The following THSD7B variants were observed in gnomAD, a reference collection of about 807,000 sequenced individuals.
THSD7B encodes thrombospondin type 1 domain containing 7B.
Under a neutral mutation model 213.6 loss-of-function variants are expected in THSD7B, and 138 were observed. That is an observed-to-expected ratio of 0.65 (90% confidence interval 0.56 to 0.74). The LOEUF (loss-of-function observed/expected upper bound fraction) is 0.74, where lower values mean the gene tolerates loss of function less well. Ranked by LOEUF, THSD7B falls within the 30% of genes least tolerant of loss-of-function variation. THSD7B has a pLI of 0.00. For missense variants in THSD7B, 1,931 were observed against 1,991.5 expected, an observed-to-expected ratio of 0.97 and a Z score of 0.58; for synonymous variants, 742 against 687.0, an observed-to-expected ratio of 1.08 and a Z score of -1.25.
Position 137,655,631 on chromosome 2 carries a change from T to C in THSD7B, c.4076T>C (p.Leu1359Pro), listed in dbSNP as rs1417488838. Residue 1359 changes from leucine (L) to proline (P), a missense_variant, in exon 22 of 28, where the codon CTG becomes CCG. Coordinates refer to ENST00000409968, the MANE Select transcript of THSD7B (RefSeq NM_001316349.2). Reference sequence around the variant, plus strand: ...GAAATGCCCTTTCAGGACAGCATCCTGAAGCAGCTGTGTTCTGTGCCTTGC... The same window carrying C: ...GAAATGCCCTTTCAGGACAGCATCCCGAAGCAGCTGTGTTCTGTGCCTTGC... ...CGEMPFQDSI[L>P]KQLCSVPCPG... The C allele has an allele frequency of 1.9e-6, 3 of 1,613,160 alleles. No individual in the cohort carries two copies. The highest frequency in any genetic ancestry group is 2.7e-5 in the African/African-American group (2 of 74,908).
chr2:136,831,424 G>A (rs184613646), intron 1 of THSD7B, among the ~76,000 whole-genome samples: 3 of 152,330 alleles, frequency 2.0e-5, no homozygotes, highest in Non-Finnish European at 2.9e-5. Flanking sequence ...CTGTTGAATA[G>A]CAGAGCTTGA....
Position 137,388,192 on chromosome 2 carries a change from G to A in THSD7B, c.2501-17421G>A, listed in dbSNP as rs558369886. Among the ~76,000 whole-genome samples the A allele has an allele frequency of 5.5e-4, 83 of 151,910 alleles. 1 individual carries two copies. The highest frequency in any genetic ancestry group is 6.8e-3 in the Middle Eastern group (2 of 294). ...ATTTTCAATAGGCTTTTTCATAATA[G>A]TACATACTTCCCAGGGCTCATGTAC... On this transcript the variant is annotated intron_variant, in intron 12 of 27. Coordinates refer to ENST00000409968, the MANE Select transcript of THSD7B (RefSeq NM_001316349.2).
chr2:136,837,100 G>A (rs1171067906), intron 1 of THSD7B, among the ~76,000 whole-genome samples: 1 of 152,118 alleles, frequency 6.6e-6, no homozygotes, highest in Non-Finnish European at 1.5e-5. Flanking sequence ...AGATCTCTCT[G>A]TGTCCACTCT....
At chr2:137,671,246 TTA>T (rs1491111042) in intron 27 of THSD7B, among the ~76,000 whole-genome samples, 44 of 62,644 alleles carry the variant, frequency 7.0e-4, no homozygotes, top group East Asian at 2.2e-3. Context: ...TTTTTTTTTT[TTA>T]AAAAAAAAAA....
intron 10 of THSD7B, 72 bp from the exon 11 acceptor site, chr2:137,272,461 A>G (rs1214918517): frequency 6.9e-7 from 1 of 1,445,410 alleles, no homozygotes; most frequent in Non-Finnish European, 9.2e-7. Flanking sequence ...CTTTTTTTTC[A>G]ATTGCTACCT....
chr2:136,888,891 A>T (rs1683766601), intron 2 of THSD7B, among the ~76,000 whole-genome samples: 1 of 152,088 alleles, frequency 6.6e-6, no homozygotes, highest in Admixed American at 6.6e-5. Context: ...TAAGAATAAA[A>T]TATGAAAAAT....
rs1190617349 is a variant in THSD7B, at chr2:137,151,959, C to T, written c.1370-8254C>T. On this transcript the variant is annotated intron_variant, in intron 5 of 27. Transcript: ENST00000409968. The stretch of plus-strand genomic sequence containing the variant: ...TGTGTTTGTAGCTAGTGGAGGGTGA[C>T]CTTTGCACCCGGTTGCCACTCCTTC... Among the ~76,000 whole-genome samples the T allele has an allele frequency of 2.0e-5, 3 of 151,170 alleles. No homozygotes were observed. In the East Asian group the frequency reaches 5.8e-4, roughly 29 times the overall value.
chr2:136,830,352 A>T (rs1682731649), intron 1 of THSD7B, among the ~76,000 whole-genome samples: 1 of 152,160 alleles, frequency 6.6e-6, no homozygotes, highest in African/African-American at 2.4e-5. Context: ...ATTTTCTTCC[A>T]TTGAAAAGGA....
At chr2:137,674,422 C>T (rs560256511) in intron 27 of THSD7B, among the ~76,000 whole-genome samples, 1 of 152,278 alleles carries the variant, frequency 6.6e-6, no homozygotes, top group East Asian at 1.9e-4. Flanking sequence ...ACCACCACCA[C>T]CATCAGGTTT....
rs555483779 is a variant in THSD7B, at chr2:137,599,481, A to C, written c.3424-16694A>C. Among the ~76,000 whole-genome samples the C allele has an allele frequency of 1.9e-4, 29 of 151,700 alleles. No homozygotes were observed. The East Asian group carries it at 5.4e-3, about 28-fold the overall frequency. On this transcript the variant is annotated intron_variant, in intron 17 of 27. Coordinates refer to ENST00000409968, the MANE Select transcript of THSD7B (RefSeq NM_001316349.2). Reference sequence around the variant, plus strand: ...GAATGGCAATCATTAAAAAGTCAGGAAACAACAGGTGCTGGAGAGGATGTG... The same window carrying C: ...GAATGGCAATCATTAAAAAGTCAGGCAACAACAGGTGCTGGAGAGGATGTG...
chr2:136,833,433 A>ATTTTTTTTTTT (rs56778387), intron 1 of THSD7B, among the ~76,000 whole-genome samples: 1 of 112,070 alleles, frequency 8.9e-6, no homozygotes, highest in African/African-American at 3.4e-5. Flanking sequence ...ATTATTTTCT[A>ATTTTTTTTTTT]TTTTTTTTTT....
At chr2:136,852,119 AG>A (rs1353124945) in intron 1 of THSD7B, among the ~76,000 whole-genome samples, 1 of 152,116 alleles carries the variant, frequency 6.6e-6, no homozygotes, top group Non-Finnish European at 1.5e-5. Flanking sequence ...GAGCCCTTAA[AG>A]GCAGAGAACT....
intron 2 of THSD7B, among the ~76,000 whole-genome samples, chr2:136,944,232 C>G (rs1408559671): frequency 2.0e-5 from 3 of 152,184 alleles, no homozygotes; most frequent in Non-Finnish European, 4.4e-5. Flanking sequence ...TTTGATTGCA[C>G]TGTGGTCTGA....
At chr2:137,048,489 G>T (rs913584339) in intron 2 of THSD7B, among the ~76,000 whole-genome samples, 1 of 152,188 alleles carries the variant, frequency 6.6e-6, no homozygotes, top group African/African-American at 2.4e-5. Context: ...TATACTCCAT[G>T]TATCTGTTAC....
rs201728767 is a variant in THSD7B at position 136,956,482 on chromosome 2, A to T, written c.139+74165A>T. Reference sequence around the variant, plus strand: ...CTCCCATCGTTAGTGTCCCTTAAGAATTTTTTTAAATTTTTTTATTTTTTA... The same window carrying T: ...CTCCCATCGTTAGTGTCCCTTAAGATTTTTTTTAAATTTTTTTATTTTTTA... On this transcript the variant is annotated intron_variant, in intron 2 of 27. Transcript: ENST00000409968. 1.8e-3 allele frequency among the ~76,000 whole-genome samples: 267 copies of T among 151,038 alleles called. 4 individuals carry two copies. In the East Asian group the frequency reaches 0.046, roughly 26 times the overall value.
intron 12 of THSD7B, among the ~76,000 whole-genome samples, chr2:137,351,850 T>G (rs2104922076): frequency 6.6e-6 from 1 of 152,098 alleles, no homozygotes; most frequent in Non-Finnish European, 1.5e-5. Context: ...CACAATGCAC[T>G]AAATCAAGCT....
In THSD7B at chr2:137,446,237, C is replaced by T. The variant is rs113037562; in HGVS notation, c.2960-4608C>T. ...AAACTAGATCTTAACAGGAGAAAAA[C>T]GTGTTTGTACTTGACTGTTGAAGGG... On this transcript the variant is annotated intron_variant, in intron 14 of 27. Coordinates refer to ENST00000409968, the MANE Select transcript of THSD7B (RefSeq NM_001316349.2). Among the ~76,000 whole-genome samples, 269 of 151,998 alleles carry T rather than the reference C, an allele frequency of 1.8e-3. 2 individuals carry two copies. Among genetic ancestry groups the T allele is most frequent in the South Asian group, 3.7e-3 (18 of 4,824 alleles).
intron 7 of THSD7B, among the ~76,000 whole-genome samples, chr2:137,173,357 T>C (rs1680300468): frequency 6.6e-6 from 1 of 152,198 alleles, no homozygotes; most frequent in Non-Finnish European, 1.5e-5. Flanking sequence ...AACCCAGTGA[T>C]AAATGACTCT....
intron 7 of THSD7B, among the ~76,000 whole-genome samples, chr2:137,175,845 A>G (rs1680348699): frequency 6.6e-6 from 1 of 152,218 alleles, no homozygotes; most frequent in African/African-American, 2.4e-5. Context: ...TTTAGATCTC[A>G]AAAATGTTCT....
Sources: gnomAD v4.1 joint callset for allele counts (sites outside exome capture counted in the v4.1 genomes callset) on GRCh38, gnomAD v4.1.1 for gene constraint, MANE v1.5 for transcripts, NCBI Gene and HGNC (gene_info 2026-07-23, HGNC 2026-07-21) for gene names.